ABCB7: variants seen among roughly 807,000 people sequenced by gnomAD.
ABCB7 encodes the protein ATP binding cassette subfamily B member 7, also known as iron-sulfur clusters transporter ABCB7, mitochondrial.
Under a neutral mutation model 54.4 loss-of-function variants are expected in ABCB7, and 7 were observed. The observed-to-expected ratio is 0.13, with a 90% CI of 0.07 to 0.24. The LOEUF (loss-of-function observed/expected upper bound fraction) is 0.24, where lower values mean the gene tolerates loss of function less well. Ranked by LOEUF, ABCB7 falls within the 10% of genes least tolerant of loss-of-function variation. The probability of loss-of-function intolerance (pLI) is 1.00; values close to 1 mark genes in which losing one functional copy is unlikely to be tolerated. For synonymous variants in ABCB7, 218 were observed against 207.1 expected (o/e 1.05, Z -0.45); for missense variants, 356 against 570.4 (o/e 0.62, Z 3.83).
chrX:75,087,689 C>T (rs969457816), intron 4 of ABCB7, among the ~76,000 whole-genome samples: 1 of 111,688 alleles, frequency 9.0e-6, no homozygotes. Context: ...AAGACTTTTA[C>T]ATAATGTAAT....
intron 1 of ABCB7, among the ~76,000 whole-genome samples, chrX:75,127,086 C>G (rs1001765673): frequency 2.7e-5 from 3 of 111,485 alleles, no homozygotes; most frequent in African/African-American, 9.8e-5. Flanking sequence ...GATAACAAAA[C>G]CTGGCAGAGA....
intron 10 of ABCB7, 85 bp from the exon 11 acceptor site, chrX:75,069,539 A>G: frequency 4.0e-6 from 4 of 1,001,279 alleles, no homozygotes; most frequent in Non-Finnish European, 5.6e-6. Flanking sequence ...ACAGAAAGAA[A>G]AAGGATATAA....
At chrX:75,075,856 T>A (rs2081404222) in intron 5 of ABCB7, among the ~76,000 whole-genome samples, 1 of 112,180 alleles carries the variant, frequency 8.9e-6, no homozygotes. Context: ...GTTTCAGACA[T>A]TAAAAGATAT....
rs1168197317 is a variant in ABCB7 at position 75,156,223 on chromosome X, G to A, written c.50C>T (p.Ala17Val). The A allele has an allele frequency of 1.2e-5, 15 of 1,203,068 alleles. No individual in the cohort carries two copies. In the Middle Eastern group the frequency reaches 7.3e-4, roughly 58 times the overall value. The change falls in exon 1 of 16, where the codon GCT (alanine) becomes GTT (valine). Residue 17 changes from alanine (A) to valine (V), a missense_variant. Ala to Val is a moderately conservative substitution (Grantham distance 64). Around this residue, in one of 2 missense-constraint regions of ABCB7, gnomAD observed 115 missense variants for 99.5 expected, o/e 1.16. Transcript: ENST00000373394. ...HSWRWAAAAA[A>V]FEKRRHSAIL... ...CGCGGAGTGCCGGCGCTTTTCGAAA[G>A]CAGCCGCCGCGGCCGCCCAGCGCCA...
At chrX:75,088,484 C>G (rs976167415) in intron 4 of ABCB7, among the ~76,000 whole-genome samples, 2 of 111,602 alleles carry the variant, frequency 1.8e-5, no homozygotes, top group African/African-American at 6.5e-5. Flanking sequence ...AAAGGTTGTA[C>G]AAGAAATCAA....
chrX:75,146,760 A>G (rs2082093796), intron 1 of ABCB7, among the ~76,000 whole-genome samples: 1 of 111,926 alleles, frequency 8.9e-6, no homozygotes, highest in African/African-American at 3.2e-5. Flanking sequence ...GAGACACGGG[A>G]AAAGATTTCA....
At chrX:75,088,026 T>C (rs776404914) in intron 4 of ABCB7, among the ~76,000 whole-genome samples, 24 of 112,069 alleles carry the variant, frequency 2.1e-4, no homozygotes, top group Non-Finnish European at 4.1e-4. Flanking sequence ...TGATATTTAA[T>C]GAACAACCTC....
chrX:75,094,021 T>TATAC (rs1357201638), intron 4 of ABCB7, among the ~76,000 whole-genome samples: 32 of 23,478 alleles, frequency 1.4e-3, no homozygotes, highest in African/African-American at 1.9e-3. Context: ...GTTATATACA[T>TATAC]ATATATATAT....
chrX:75,117,251 C>T (rs1002678149), intron 1 of ABCB7, among the ~76,000 whole-genome samples: 4 of 109,298 alleles, frequency 3.7e-5, no homozygotes, highest in Non-Finnish European at 7.6e-5. Flanking sequence ...AGGAAACCCT[C>T]GACCTAAAGG....
At chrX:75,153,742 G>A (rs1231893789) in intron 1 of ABCB7, among the ~76,000 whole-genome samples, 1 of 34,608 alleles carries the variant, frequency 2.9e-5, no homozygotes, top group Non-Finnish European at 6.7e-5. Flanking sequence ...GTGTGTGTGT[G>A]TGTGCGTGTG....
At chrX:75,095,876 G>C (rs929359977) in intron 4 of ABCB7, among the ~76,000 whole-genome samples, 7 of 111,745 alleles carry the variant, frequency 6.3e-5, no homozygotes, top group Non-Finnish European at 1.3e-4. Flanking sequence ...TTTAGATCTA[G>C]ATTTCATACC....
chrX:75,053,400 A>G lies in ABCB7; in HGVS notation c.2229T>C (p.Ser743=), dbSNP rs760317782. ...RKKLQEEIVN[S]VKGCGNCSC ...ACGAACAGTTTCCACAGCCTTTCACACTATTGACAATTTCTTCTTGTAGTT... is the reference window on the plus strand; with the variant it reads ...ACGAACAGTTTCCACAGCCTTTCACGCTATTGACAATTTCTTCTTGTAGTT... The change falls in exon 16 of 16, where the codon AGT becomes AGC. Residue 743 remains serine (S), a synonymous_variant. Transcript: ENST00000373394. The G allele has an allele frequency of 6.6e-6, 8 of 1,211,509 alleles. No homozygotes were observed. Among genetic ancestry groups the G allele is most frequent in the African/African-American group, 1.7e-5 (1 of 57,861 alleles).
chrX:75,053,902 C>A (rs990822044), intron 15 of ABCB7, among the ~76,000 whole-genome samples: 9 of 111,781 alleles, frequency 8.1e-5, no homozygotes, highest in Non-Finnish European at 5.6e-5. Context: ...AAAATGTAAA[C>A]AGGTGATATT....
chrX:75,115,197 G>A (rs377533200), intron 1 of ABCB7, among the ~76,000 whole-genome samples: 1 of 100,327 alleles, frequency 1.0e-5, no homozygotes. Context: ...CAACCCAGGA[G>A]GTGGAGGCTG....
chrX:75,072,026 T>C (rs924934904), intron 8 of ABCB7, among the ~76,000 whole-genome samples: 8 of 111,547 alleles, frequency 7.2e-5, no homozygotes, highest in African/African-American at 2.6e-4. Context: ...TGCCTTCTTA[T>C]TTAGTCACCT....
At position 75,083,509 on chromosome X, in the gene ABCB7, G is replaced by T. The variant is rs190001593; in HGVS notation, c.454-6855C>A. Among the ~76,000 whole-genome samples the T allele has an allele frequency of 3.1e-3, 344 of 111,099 alleles. 1 individual carries two copies. Among genetic ancestry groups the T allele is most frequent in the African/African-American group, 0.01 (313 of 30,614 alleles). ...TAAGGATGTCAATTCTACCCAAATT[G>T]GTCTACATTTTTAATAAAATTTTAT... On this transcript the variant is annotated intron_variant, in intron 4 of 15. Transcript: ENST00000373394.
At position 75,052,945 on chromosome X, in the gene ABCB7, G is replaced by A. The variant is rs2081206835; in HGVS notation, c.*425C>T. On this transcript the variant is annotated 3_prime_UTR_variant, in exon 16 of 16. Coordinates refer to ENST00000373394, the MANE Select transcript of ABCB7 (RefSeq NM_001271696.3). ...ATCAATTTCAATTGGACGAAGGAGG[G>A]AGAAGAAACAATGAACCTACACTAT... is the stretch of plus-strand genomic sequence containing the variant. 1 of 125,051 alleles carries A rather than the reference G, an allele frequency of 8.0e-6. No homozygotes were observed. Among genetic ancestry groups the A allele is most frequent in the Admixed American group, 8.4e-5 (1 of 11,874 alleles). The allele number at this position is 125,051 out of a possible 1,213,427, so 10.3% of individuals were successfully genotyped here.
chrX:75,147,419 T>C (rs1250201212), intron 1 of ABCB7, among the ~76,000 whole-genome samples: 3 of 111,841 alleles, frequency 2.7e-5, no homozygotes, highest in Non-Finnish European at 5.6e-5. Context: ...GGAATCAACC[T>C]AAATGCCTAT....
At chrX:75,155,615 A>T (rs1424134997) in intron 1 of ABCB7, among the ~76,000 whole-genome samples, 1 of 111,684 alleles carries the variant, frequency 9.0e-6, no homozygotes, top group Non-Finnish European at 1.9e-5. Context: ...TGGCCTATCA[A>T]GAAGCACGCC....
Sources: allele counts gnomAD v4.1 joint callset (sites outside exome capture counted in the v4.1 genomes callset), GRCh38; gene constraint gnomAD v4.1.1; regional missense constraint gnomAD v4.1.1; transcripts MANE v1.5; gene names NCBI Gene and HGNC (gene_info 2026-07-23, HGNC 2026-07-21).